BRAF: variants seen among roughly 807,000 people sequenced by gnomAD.
BRAF encodes serine/threonine-protein kinase B-raf.
In BRAF, 16 loss-of-function variants were observed where a neutral mutation model predicts 104.6. The ratio of observed to expected loss-of-function variants is 0.15; its 90% CI spans 0.10 to 0.23. The LOEUF is 0.23. BRAF is among the 10% of genes least tolerant of loss of function. BRAF has a pLI of 1.00. For synonymous variants in BRAF, 310 were observed against 341.6 expected (o/e 0.91, Z 1.02); for missense variants, 541 against 937.3 (o/e 0.58, Z 5.52).
At chr7:140,830,055 T>C (rs1349798897) in intron 3 of BRAF, among the ~76,000 whole-genome samples, 1 of 152,228 alleles carries the variant, frequency 6.6e-6, no homozygotes, top group Non-Finnish European at 1.5e-5. Context: ...ATGTTTGGCC[T>C]TTCTGTTTAA....
intron 1 of BRAF, among the ~76,000 whole-genome samples, chr7:140,922,687 T>C (rs181626363): frequency 5.3e-5 from 8 of 152,312 alleles, no homozygotes; most frequent in East Asian, 1.9e-4. Context: ...GCATATCCGA[T>C]TCCTGGAGAA....
At chr7:140,790,751 T>C (rs956921985) in intron 8 of BRAF, among the ~76,000 whole-genome samples, 6 of 152,334 alleles carry the variant, frequency 3.9e-5, no homozygotes, top group Admixed American at 6.5e-5. Flanking sequence ...TTATCTTCAA[T>C]TTCTCTTCAC....
intron 18 of BRAF, among the ~76,000 whole-genome samples, chr7:140,735,772 G>A (rs1057279308): frequency 6.6e-6 from 1 of 151,986 alleles, no homozygotes; most frequent in African/African-American, 2.4e-5. Context: ...TGGCCAGGCT[G>A]GTCTCAAACT....
Position 140,720,401 on chromosome 7 carries a change from C to T in BRAF, c.*6093G>A, listed in dbSNP as rs1203695686. 1.4e-5 allele frequency: 15 copies of T among 1,062,040 alleles called. No homozygotes were observed. The highest frequency in any genetic ancestry group is 1.6e-5 in the Non-Finnish European group (14 of 877,390). 65.8% of individuals were successfully genotyped at this position (1,062,040 alleles called of 1,614,324 possible). ...ACATACACCCCTGTATGTAAACTAA[C>T]ATAACATGAAGATAAATAAGACATA... On this transcript the variant is annotated 3_prime_UTR_variant, in exon 20 of 20. Transcript: ENST00000644969.
chr7:140,760,412 TGA>T (rs1232525155), intron 14 of BRAF, among the ~76,000 whole-genome samples: 1 of 135,216 alleles, frequency 7.4e-6, no homozygotes. Flanking sequence ...GACTCTTCCT[TGA>T]GAGAGAGAAA....
intron 17 of BRAF, among the ~76,000 whole-genome samples, chr7:140,746,888 AGTCTACCTAC>A: frequency 6.6e-6 from 1 of 151,988 alleles, no homozygotes; most frequent in Non-Finnish European, 1.5e-5. Context: ...AGGTAGACCT[AGTCTACCTAC>A]CTGAGTCCAA....
At chr7:140,878,977 C>T (rs183747830) in intron 1 of BRAF, among the ~76,000 whole-genome samples, 3 of 152,002 alleles carry the variant, frequency 2.0e-5, no homozygotes, top group South Asian at 2.1e-4. Context: ...CAGGTTTAAG[C>T]GATTCTCCTG....
intron 3 of BRAF, among the ~76,000 whole-genome samples, chr7:140,830,189 T>C (rs907373529): frequency 3.2e-4 from 48 of 152,216 alleles, no homozygotes; most frequent in African/African-American, 1.1e-3. Flanking sequence ...TATTTTTACA[T>C]CTTCTAGTTG....
chr7:140,827,484 G>A (rs776838608), intron 3 of BRAF, among the ~76,000 whole-genome samples: 1 of 152,172 alleles, frequency 6.6e-6, no homozygotes, highest in Non-Finnish European at 1.5e-5. Flanking sequence ...AAAAATCACA[G>A]GGGAAACTTT....
intron 1 of BRAF, among the ~76,000 whole-genome samples, chr7:140,914,502 TA>T (rs1817359368): frequency 6.6e-6 from 1 of 152,234 alleles, no homozygotes; most frequent in Admixed American, 6.5e-5. Flanking sequence ...CTCTGAATCA[TA>T]ATCTCTTCCC....
intron 19 of BRAF, among the ~76,000 whole-genome samples, chr7:140,726,990 A>G (rs966252293): frequency 6.6e-6 from 1 of 152,168 alleles, no homozygotes; most frequent in Non-Finnish European, 1.5e-5. Flanking sequence ...TTCACACCAC[A>G]CGTTTGACAG....
At position 140,742,891 on chromosome 7, in the gene BRAF, C is replaced by T. The variant is rs1174980741; in HGVS notation, c.2113-2945G>A. On this transcript the variant is annotated intron_variant, in intron 17 of 19. Coordinates refer to ENST00000644969, the MANE Select transcript of BRAF (RefSeq NM_001374258.1). ...AAATTTACAAGAAAAAAACAAACAA[C>T]CCCATCAAAAAGTGGGCAAAGGACA... is the stretch of plus-strand genomic sequence containing the variant. Among the ~76,000 whole-genome samples the T allele has an allele frequency of 4.0e-5, 6 of 151,502 alleles. No homozygotes were observed. The East Asian group carries it at 9.7e-4, about 24-fold the overall frequency.
rs539745962 is a variant in BRAF, at chr7:140,793,060, G to A, written c.1140+1248C>T. On this transcript the variant is annotated intron_variant, in intron 8 of 19. Transcript: ENST00000644969. ...TGGGCCCAAATGGCAGCGGTAATAA[G>A]TAAAAACCAGTTTGAGATGCACATG... Among the ~76,000 whole-genome samples, 151 of 152,268 alleles carry A rather than the reference G, an allele frequency of 9.9e-4. 3 individuals carry two copies. In the South Asian group the frequency reaches 0.031, roughly 31 times the overall value.
chr7:140,775,348 T>A (rs77480748), intron 14 of BRAF, among the ~76,000 whole-genome samples: 1 of 151,524 alleles, frequency 6.6e-6, no homozygotes, highest in African/African-American at 2.4e-5. Context: ...AGATTTTAAT[T>A]CTTTTTTTTT....
At chr7:140,800,672 A>G (rs1269721431) in intron 6 of BRAF, among the ~76,000 whole-genome samples, 191 bp from the exon 7 acceptor site, 1 of 152,256 alleles carries the variant, frequency 6.6e-6, no homozygotes, top group African/African-American at 2.4e-5. Context: ...AGGCATGCTT[A>G]TAACTTAAAA....
At chr7:140,814,804 ATATAT>A (rs1562973225) in intron 3 of BRAF, among the ~76,000 whole-genome samples, 1 of 145,506 alleles carries the variant, frequency 6.9e-6, no homozygotes, top group Non-Finnish European at 1.5e-5. Context: ...TATATATATT[ATATAT>A]AACATATATA....
intron 1 of BRAF, among the ~76,000 whole-genome samples, chr7:140,898,420 T>A (rs904510104): frequency 1.1e-4 from 17 of 152,210 alleles, no homozygotes; most frequent in South Asian, 4.1e-4. Context: ...TACCTAAAAA[T>A]AAGTTCTAAA....
chr7:140,811,430 G>A, intron 3 of BRAF, among the ~76,000 whole-genome samples: 1 of 152,162 alleles, frequency 6.6e-6, no homozygotes, highest in Non-Finnish European at 1.5e-5. Context: ...AGGGCTAGGG[G>A]ACTCTCAGGG....
chr7:140,846,510 G>T (rs980604349), intron 2 of BRAF, among the ~76,000 whole-genome samples: 2 of 152,098 alleles, frequency 1.3e-5, no homozygotes, highest in African/African-American at 4.8e-5. Flanking sequence ...TGGTTGCTAC[G>T]AACTAGAGAA....
Sources: allele counts gnomAD v4.1 joint callset (sites outside exome capture counted in the v4.1 genomes callset), GRCh38; gene constraint gnomAD v4.1.1; transcripts MANE v1.5; gene names NCBI Gene and HGNC (gene_info 2026-07-23, HGNC 2026-07-21).